Variants in LRRC57 observed in about 807,000 individuals in gnomAD.
The protein encoded by LRRC57 is leucine rich repeat containing 57.
In LRRC57, 14 loss-of-function variants were observed where a neutral mutation model predicts 23.1. That is an observed-to-expected ratio of 0.61 (90% CI 0.40 to 0.95). LRRC57 has a LOEUF of 0.95. LRRC57 is among the 40% of genes least tolerant of loss of function. LRRC57 has a pLI of 0.00. For synonymous variants in LRRC57, 106 were observed against 115.2 expected (o/e 0.92, Z 0.51); for missense variants, 236 against 284.4 (o/e 0.83, Z 1.22).
intron 5 of LRRC57, among the ~76,000 whole-genome samples, chr15:42,544,859 T>TATATATATATATATATATATATATATA (rs2057651144): frequency 6.8e-6 from 1 of 147,982 alleles, no homozygotes; most frequent in African/African-American, 2.6e-5. Flanking sequence ...TATATATATA[T>TATATATATATATATATATATATATATA]CAAAAGACAA....
At position 42,539,655 on chromosome 15, in the gene LRRC57, T is replaced by A. The variant is rs1332678366; in HGVS notation, c.*4428A>T. 3.3e-5 allele frequency: 5 copies of A among 152,080 alleles called. No homozygotes were observed. Among genetic ancestry groups the A allele is most frequent in the Non-Finnish European group, 5.9e-5 (4 of 68,028 alleles). The allele number at this position is 152,080 out of a possible 1,614,324, so 9.4% of individuals were successfully genotyped here. ...AAAAAAATTAGGTGACTTGGACTAGTGGCCAGATTCAAATCTGGGTCTTTA... is the reference window on the plus strand; with the variant it reads ...AAAAAAATTAGGTGACTTGGACTAGAGGCCAGATTCAAATCTGGGTCTTTA... On this transcript the variant is annotated 3_prime_UTR_variant, in exon 6 of 6. Coordinates refer to ENST00000397130, the MANE Select transcript of LRRC57 (RefSeq NM_153260.3).
downstream of LRRC57, among the ~76,000 whole-genome samples, chr15:42,535,527 C>T (rs889621504): frequency 6.6e-6 from 1 of 151,404 alleles, no homozygotes; most frequent in Non-Finnish European, 1.5e-5. Flanking sequence ...CTCACTGCAA[C>T]CTCTGTCTCC....
the LRRC57 span, chr15:42,529,562 T>G: frequency 9.5e-7 from 1 of 1,054,816 alleles, no homozygotes; most frequent in Non-Finnish European, 1.4e-6. Flanking sequence ...TATATTCTTT[T>G]GGATCTTATA....
rs767685010 is a variant in LRRC57, at chr15:42,544,841, A to AATAT, written c.678+235_678+236insATAT. On this transcript the variant is annotated intron_variant, in intron 5 of 5. Coordinates refer to ENST00000397130, the MANE Select transcript of LRRC57 (RefSeq NM_153260.3). Reference sequence around the variant, plus strand: ...CACACACACACACACACACACACACACTATATATATATATATATCAAAAGA... The same window carrying AATAT: ...CACACACACACACACACACACACACAATATCTATATATATATATATATCAAAAGA... Among the ~76,000 whole-genome samples, 353 of 106,640 alleles carry AATAT rather than the reference A, an allele frequency of 3.3e-3. 14 individuals are homozygous for AATAT. Among genetic ancestry groups the AATAT allele is most frequent in the African/African-American group, 0.017 (332 of 19,578 alleles). The allele number at this position is 106,640 out of a possible 152,430, so 70.0% of individuals were successfully genotyped here. A position where few individuals can be genotyped will look rare whatever the true frequency, so the allele number is the denominator to read the frequency against.
the LRRC57 span, among the ~76,000 whole-genome samples, chr15:42,530,764 AAAAG>A: frequency 6.6e-6 from 1 of 152,210 alleles, no homozygotes; most frequent in African/African-American, 2.4e-5. Flanking sequence ...AGAAAGGAAA[AAAAG>A]AAAGTCATAC....
At position 42,537,961 on chromosome 15, in the gene LRRC57, TTAGA is replaced by T. The variant is rs1329756293; in HGVS notation, c.*6118_*6121del. On this transcript the variant is annotated 3_prime_UTR_variant, in exon 6 of 6. Coordinates refer to ENST00000397130, the MANE Select transcript of LRRC57 (RefSeq NM_153260.3). Reference sequence around the variant, plus strand: ...TTAATGGGTAGATACAAACATACAGTTAGATAGAAGGAATAAGTTTTAATGCTTG... The same window carrying T: ...TTAATGGGTAGATACAAACATACAGTTAGAAGGAATAAGTTTTAATGCTTG... The T allele has an allele frequency of 1.3e-5, 2 of 152,114 alleles. No homozygotes were observed. The highest frequency in any genetic ancestry group is 2.1e-4 in the South Asian group (1 of 4,828). The allele number at this position is 152,114 out of a possible 1,614,324, so 9.4% of individuals were successfully genotyped here. A position where few individuals can be genotyped will look rare whatever the true frequency, so the allele number is the denominator to read the frequency against.
rs1031459110 is a variant in LRRC57 at position 42,537,950 on chromosome 15, C to T, written c.*6133G>A. ...AGGAAGGTAGGTTAATGGGTAGATACAAACATACAGTTAGATAGAAGGAAT... is the reference window on the plus strand; with the variant it reads ...AGGAAGGTAGGTTAATGGGTAGATATAAACATACAGTTAGATAGAAGGAAT... On this transcript the variant is annotated 3_prime_UTR_variant, in exon 6 of 6. Coordinates refer to ENST00000397130, the MANE Select transcript of LRRC57 (RefSeq NM_153260.3). The T allele has an allele frequency of 1.3e-5, 2 of 152,080 alleles. No homozygotes were observed. Among genetic ancestry groups the T allele is most frequent in the Non-Finnish European group, 2.9e-5 (2 of 68,030 alleles). 9.4% of individuals were successfully genotyped at this position (152,080 alleles called of 1,614,324 possible). A position where few individuals can be genotyped will look rare whatever the true frequency, so the allele number is the denominator to read the frequency against.
rs868015705 is a variant in LRRC57, at chr15:42,541,371, G to A, written c.*2712C>T. On this transcript the variant is annotated 3_prime_UTR_variant, in exon 6 of 6. Transcript: ENST00000397130. ...ATACAAAAATGAGCTGGGTGTGGTG[G>A]TGCATGCCTGTAATCCCAATTACTC... 1.3e-5 allele frequency: 2 copies of A among 152,172 alleles called. No individual in the cohort carries two copies. The highest frequency in any genetic ancestry group is 4.8e-5 in the African/African-American group (2 of 41,412). The allele number at this position is 152,172 out of a possible 1,614,324, so 9.4% of individuals were successfully genotyped here. A position where few individuals can be genotyped will look rare whatever the true frequency, so the allele number is the denominator to read the frequency against.
the LRRC57 span, among the ~76,000 whole-genome samples, chr15:42,528,896 T>C: frequency 1.3e-5 from 2 of 152,216 alleles, no homozygotes; most frequent in South Asian, 4.1e-4. Context: ...AGACAAAATG[T>C]TGACTGTGGT....
chr15:42,533,858 A>C (rs766349304), downstream of LRRC57, among the ~76,000 whole-genome samples: 2 of 152,232 alleles, frequency 1.3e-5, no homozygotes, highest in Non-Finnish European at 2.9e-5. Flanking sequence ...TTCTGTTTAC[A>C]CTATTCTGTA....
intron 4 of LRRC57, among the ~76,000 whole-genome samples, chr15:42,547,047 C>G (rs2057661617): frequency 2.0e-5 from 3 of 152,160 alleles, no homozygotes. Context: ...CCCCACCCTC[C>G]CCAAAACACC....
At chr15:42,534,444 T>G (rs1198193397), downstream of LRRC57, among the ~76,000 whole-genome samples, 1 of 152,184 alleles carries the variant, frequency 6.6e-6, no homozygotes, top group Non-Finnish European at 1.5e-5. Flanking sequence ...CACTGAAGTC[T>G]TCAAACGCCC....
chr15:42,547,311 C>A lies in LRRC57; in HGVS notation c.442G>T (p.Asp148Tyr). 1 of 1,614,192 alleles carries A rather than the reference C, an allele frequency of 6.2e-7. No homozygotes were observed. Among genetic ancestry groups the A allele is most frequent in the South Asian group, 1.1e-5 (1 of 91,062 alleles). Residue 148 changes from aspartate to tyrosine, a missense_variant, in exon 4 of 6, where the codon GAC (aspartate) becomes TAC (tyrosine). Transcript: ENST00000397130. Reference sequence around the variant, plus strand: ...ATGACTTGCAGCTCTCCCACTGAGTCAGGTATACTTCGAATCTGGTTCTTA... The same window carrying A: ...ATGACTTGCAGCTCTCCCACTGAGTAAGGTATACTTCGAATCTGGTTCTTA... ...LSKNQIRSIP[D>Y]SVGELQVIEL...
At chr15:42,537,540 A>G (rs2057606923), downstream of LRRC57, among the ~76,000 whole-genome samples, 1 of 152,206 alleles carries the variant, frequency 6.6e-6, no homozygotes, top group African/African-American at 2.4e-5. Flanking sequence ...ACTACTGGGT[A>G]TTTATTGAAA....
rs2057643387 is a variant in LRRC57 at position 42,543,880 on chromosome 15, TC to T, written c.*202del. 3 of 458,992 alleles carry T rather than the reference TC, an allele frequency of 6.5e-6. No individual in the cohort carries two copies. Among genetic ancestry groups the T allele is most frequent in the Non-Finnish European group, 1.2e-5 (3 of 255,064 alleles). 28.4% of individuals were successfully genotyped at this position (458,992 alleles called of 1,614,324 possible). Reference sequence around the variant, plus strand: ...CTCATGACTCAAAACGGAAGACTTTTCCTGTCTCCTGATCCTTTTTCTTTTA... The same window carrying T: ...CTCATGACTCAAAACGGAAGACTTTTCTGTCTCCTGATCCTTTTTCTTTTA... On this transcript the variant is annotated 3_prime_UTR_variant, in exon 6 of 6. Transcript: ENST00000397130.
intron 4 of LRRC57, 98 bp from the exon 5 acceptor site, chr15:42,545,360 T>G: frequency 1.3e-6 from 1 of 752,730 alleles, no homozygotes; most frequent in Non-Finnish European, 1.9e-6. Context: ...TACTTGACTA[T>G]TTGTTCTAGT....
At position 42,548,461 on chromosome 15, in the gene LRRC57, G is replaced by A. The variant is rs767383722; in HGVS notation, c.-22-5C>T. ...CTAGCGCCGCGGCTCAGGTCCCTGC[G>A]GGAAGGAAGCGCTGCTGTCACCGCC... On this transcript the variant is annotated splice_polypyrimidine_tract_variant and splice_region_variant and intron_variant, in intron 1 of 5. Coordinates refer to ENST00000397130, the MANE Select transcript of LRRC57 (RefSeq NM_153260.3). The A allele has an allele frequency of 2.5e-6, 4 of 1,610,542 alleles. No individual in the cohort carries two copies. Among genetic ancestry groups the A allele is most frequent in the African/African-American group, 1.3e-5 (1 of 74,914 alleles).
the LRRC57 span, chr15:42,532,313 C>T: frequency 2.0e-5 from 3 of 152,050 alleles, no homozygotes; most frequent in Non-Finnish European, 4.4e-5. Flanking sequence ...TCTTGGACTC[C>T]TGACGTCGTG....
At position 42,539,006 on chromosome 15, in the gene LRRC57, C is replaced by A. The variant is rs1313681257; in HGVS notation, c.*5077G>T. ...GGCCAGCCTGGGGAACACAGGAAGA[C>A]CCCGTCTTTCTAAAAAATTAAAAAT... On this transcript the variant is annotated 3_prime_UTR_variant, in exon 6 of 6. Transcript: ENST00000397130. The A allele has an allele frequency of 2.0e-5, 3 of 151,672 alleles. No homozygotes were observed. Among genetic ancestry groups the A allele is most frequent in the East Asian group, 1.9e-4 (1 of 5,138 alleles). 9.4% of individuals were successfully genotyped at this position (151,672 alleles called of 1,614,324 possible). A position where few individuals can be genotyped will look rare whatever the true frequency, so the allele number is the denominator to read the frequency against.
Sources: gnomAD v4.1 joint callset for allele counts (sites outside exome capture counted in the v4.1 genomes callset) on GRCh38, gnomAD v4.1.1 for gene constraint, MANE v1.5 for transcripts, NCBI Gene and HGNC (gene_info 2026-07-23, HGNC 2026-07-21) for gene names.